The following GRM7 variants were observed in gnomAD, a reference collection of about 807,000 sequenced individuals.
The protein encoded by GRM7 is metabotropic glutamate receptor 7.
A neutral mutation model predicts 84.5 loss-of-function variants in GRM7; 35 were observed. The ratio of observed to expected loss-of-function variants is 0.41; its 90% CI spans 0.32 to 0.55. The LOEUF (loss-of-function observed/expected upper bound fraction) is 0.55, where lower values mean the gene tolerates loss of function less well. Ranked by LOEUF, GRM7 falls within the 20% of genes least tolerant of loss-of-function variation. GRM7 has a pLI of 0.19. For missense variants in GRM7, 1,003 were observed against 1,194.6 expected (o/e 0.84, Z 2.36); for synonymous variants, 487 against 455.1 (o/e 1.07, Z -0.89).
chr3:7,146,740 T>C, intron 2 of GRM7, 72 bp downstream of exon 2: 1 of 1,041,010 alleles, frequency 9.6e-7, no homozygotes. Context: ...TCTTCAAACT[T>C]CATTAAATAA....
At chr3:7,633,327 A>G (rs561741135) in intron 8 of GRM7, among the ~76,000 whole-genome samples, 1 of 152,362 alleles carries the variant, frequency 6.6e-6, no homozygotes, top group East Asian at 1.9e-4. Context: ...CTTTATAGTG[A>G]GAAACTGAGG....
intron 1 of GRM7, among the ~76,000 whole-genome samples, chr3:7,029,488 C>T (rs559437431): frequency 5.9e-5 from 9 of 151,988 alleles, no homozygotes; most frequent in South Asian, 2.1e-4. Context: ...GATGGATAGA[C>T]AAAATGTGGT....
chr3:7,268,697 A>C (rs1350487046), intron 2 of GRM7, among the ~76,000 whole-genome samples: 2 of 152,196 alleles, frequency 1.3e-5, no homozygotes, highest in African/African-American at 4.8e-5. Flanking sequence ...TGGTTGTTTC[A>C]GATTTCCCGT....
At chr3:7,401,961 A>G (rs1695470241) in intron 4 of GRM7, among the ~76,000 whole-genome samples, 2 of 152,194 alleles carry the variant, frequency 1.3e-5, no homozygotes, top group South Asian at 4.1e-4. Context: ...ATAGAATCCA[A>G]GAGCAAGGAA....
At chr3:6,888,774 CA>C (rs1176281128) in intron 1 of GRM7, among the ~76,000 whole-genome samples, 4 of 152,126 alleles carry the variant, frequency 2.6e-5, no homozygotes, top group African/African-American at 7.2e-5. Context: ...TGAAGAAAAT[CA>C]TTGGTAGCTT....
chr3:7,354,737 T>C (rs1035906794), intron 4 of GRM7, among the ~76,000 whole-genome samples: 1 of 152,158 alleles, frequency 6.6e-6, no homozygotes, highest in African/African-American at 2.4e-5. Context: ...AATTGCAGCT[T>C]CTGTACCAGA....
chr3:7,558,108 G>A (rs1034901757), intron 7 of GRM7, among the ~76,000 whole-genome samples: 2 of 150,646 alleles, frequency 1.3e-5, no homozygotes, highest in African/African-American at 4.9e-5. Context: ...TGTAAAGGAA[G>A]CTAATTTTCC....
At chr3:7,467,578 C>A (rs17718867) in intron 7 of GRM7, among the ~76,000 whole-genome samples, 1 of 151,818 alleles carries the variant, frequency 6.6e-6, no homozygotes, top group East Asian at 1.9e-4. Context: ...TTCTTGGAGG[C>A]GGTTGCTTCC....
chr3:7,394,201 C>A (rs868745967), intron 4 of GRM7, among the ~76,000 whole-genome samples: 14 of 152,204 alleles, frequency 9.2e-5, no homozygotes, highest in African/African-American at 3.1e-4. Flanking sequence ...CTTGTCCTAA[C>A]TTCTTGCTCT....
At chr3:7,626,912 A>T (rs2125092962) in intron 8 of GRM7, among the ~76,000 whole-genome samples, 1 of 144,094 alleles carries the variant, frequency 6.9e-6, no homozygotes, top group South Asian at 2.3e-4. Flanking sequence ...CCAAAAGCCT[A>T]CATGAGCACC....
intron 2 of GRM7, among the ~76,000 whole-genome samples, chr3:7,288,207 A>G (rs1457193042): frequency 6.6e-6 from 1 of 152,104 alleles, no homozygotes; most frequent in Non-Finnish European, 1.5e-5. Flanking sequence ...GTTTCACTGG[A>G]TGAGTTGGGG....
At chr3:7,564,591 T>A (rs1694175345) in intron 7 of GRM7, among the ~76,000 whole-genome samples, 1 of 152,180 alleles carries the variant, frequency 6.6e-6, no homozygotes, top group Non-Finnish European at 1.5e-5. Context: ...AGAGGAGGAC[T>A]GGGAATATTC....
chr3:7,079,801 A>G (rs536340130), intron 1 of GRM7, among the ~76,000 whole-genome samples: 83 of 152,274 alleles, frequency 5.5e-4, no homozygotes, highest in Non-Finnish European at 1.0e-3. Flanking sequence ...ATGTTATTTA[A>G]TGGTTTTGAT....
At chr3:6,878,630 A>G (rs1175957271) in intron 1 of GRM7, among the ~76,000 whole-genome samples, 2 of 152,204 alleles carry the variant, frequency 1.3e-5, no homozygotes, top group African/African-American at 4.8e-5. Flanking sequence ...TACATCACGC[A>G]CTAATAAAAT....
At chr3:7,588,653 T>C (rs73809435) in intron 8 of GRM7, among the ~76,000 whole-genome samples, 3,596 of 152,208 alleles carry the variant, frequency 0.024, 118 homozygotes, top group African/African-American at 0.077. Flanking sequence ...TGGCAAGGAA[T>C]GTAAAAGACA....
chr3:7,193,806 A>AT (rs1403306515), intron 2 of GRM7, among the ~76,000 whole-genome samples: 1 of 151,992 alleles, frequency 6.6e-6, no homozygotes, highest in African/African-American at 2.4e-5. Flanking sequence ...ACATATAGAA[A>AT]TTTTTTTCAC....
chr3:6,948,956 T>C (rs1006064384), intron 1 of GRM7, among the ~76,000 whole-genome samples: 13 of 152,202 alleles, frequency 8.5e-5, no homozygotes, highest in African/African-American at 2.9e-4. Context: ...TGTCTCTGCA[T>C]GTGAGATGGG....
At chr3:7,570,115 C>T (rs1168282367) in intron 7 of GRM7, among the ~76,000 whole-genome samples, 2 of 152,154 alleles carry the variant, frequency 1.3e-5, no homozygotes, top group Non-Finnish European at 2.9e-5. Context: ...CAAGTTTCTC[C>T]CACAACACAT....
intron 7 of GRM7, among the ~76,000 whole-genome samples, chr3:7,472,724 A>G (rs1698753424): frequency 6.6e-6 from 1 of 152,196 alleles, no homozygotes; most frequent in Non-Finnish European, 1.5e-5. Context: ...GGACAATGTA[A>G]CACTACTCAC....
Sources: allele counts gnomAD v4.1 joint callset (sites outside exome capture counted in the v4.1 genomes callset), GRCh38; gene constraint gnomAD v4.1.1; transcripts MANE v1.5; gene names NCBI Gene and HGNC (gene_info 2026-07-23, HGNC 2026-07-21).